Variants in SLC2A10 observed in about 807,000 individuals in gnomAD.
SLC2A10 encodes solute carrier family 2, facilitated glucose transporter member 10.
A neutral mutation model predicts 32.1 loss-of-function variants in SLC2A10; 25 were observed. The observed-to-expected ratio is 0.78, with a 90% CI of 0.57 to 1.09. The LOEUF is 1.09. SLC2A10 is among the 50% of genes least tolerant of loss of function. SLC2A10 has a pLI of 0.00. For missense variants in SLC2A10, 673 were observed against 686.5 expected (o/e 0.98, Z 0.22); for synonymous variants, 332 against 309.6 (o/e 1.07, Z -0.76).
chr20:46,727,067 A>C, intron 3 of SLC2A10, 81 bp downstream of exon 3: 1 of 1,520,076 alleles, frequency 6.6e-7, no homozygotes, highest in South Asian at 1.1e-5. Context: ...GGATTTTCCT[A>C]TGTATTAGCT....
upstream of SLC2A10, chr20:46,709,630 G>C: frequency 7.1e-7 from 1 of 1,401,856 alleles, no homozygotes; most frequent in Non-Finnish European, 9.6e-7. Flanking sequence ...GACAGAGGCG[G>C]GGGCGGGCCG....
upstream of SLC2A10, among the ~76,000 whole-genome samples, chr20:46,708,790 T>G (rs1448251315): frequency 6.6e-6 from 1 of 152,102 alleles, no homozygotes; most frequent in African/African-American, 2.4e-5. Context: ...CTCCCTCCTC[T>G]CTCCCTGTCT....
At chr20:46,730,812 G>A (rs925208507) in intron 4 of SLC2A10, among the ~76,000 whole-genome samples, 1 of 152,214 alleles carries the variant, frequency 6.6e-6, no homozygotes, top group African/African-American at 2.4e-5. Context: ...ACAGTCCTAA[G>A]CATCCTTGGC....
chr20:46,713,287 G>GA (rs917447730), intron 1 of SLC2A10, among the ~76,000 whole-genome samples: 3 of 152,058 alleles, frequency 2.0e-5, no homozygotes, highest in African/African-American at 7.2e-5. Flanking sequence ...GTGCCACGCA[G>GA]AAAAAACAAG....
chr20:46,732,299 A>G (rs1254643641), intron 4 of SLC2A10, among the ~76,000 whole-genome samples: 1 of 152,142 alleles, frequency 6.6e-6, no homozygotes, highest in African/African-American at 2.4e-5. Context: ...TATAACAAAA[A>G]AAATTCAAAA....
intron 1 of SLC2A10, among the ~76,000 whole-genome samples, chr20:46,713,284 G>T (rs1366517869): frequency 6.6e-6 from 1 of 152,032 alleles, no homozygotes; most frequent in Non-Finnish European, 1.5e-5. Flanking sequence ...GAAGTGCCAC[G>T]CAGAAAAAAC....
chr20:46,728,295 G>A (rs1401832645), intron 3 of SLC2A10, among the ~76,000 whole-genome samples: 1 of 152,190 alleles, frequency 6.6e-6, no homozygotes, highest in Non-Finnish European at 1.5e-5. Flanking sequence ...GCTGCCTAAA[G>A]GAGGTATGGA....
Position 46,729,727 on chromosome 20 carries a change from C to T in SLC2A10, c.1547+239C>T, listed in dbSNP as rs573222109. 7.3e-5 allele frequency among the ~76,000 whole-genome samples: 11 copies of T among 149,660 alleles called. No homozygotes were observed. In the South Asian group the frequency reaches 2.3e-3, roughly 32 times the overall value. ...CGCCATCTCGGCTCACTGCAAGCTC[C>T]GCCTCCCGGGTTCACGCCATTCTCC... On this transcript the variant is annotated intron_variant, in intron 4 of 4. Transcript: ENST00000359271.
chr20:46,728,397 G>A (rs73295915), intron 3 of SLC2A10, among the ~76,000 whole-genome samples: 2 of 152,010 alleles, frequency 1.3e-5, no homozygotes, highest in African/African-American at 4.8e-5. Context: ...CTCTGTCTTG[G>A]GATGAATGAC....
At chr20:46,729,281 C>A in intron 3 of SLC2A10, 72 bp from the exon 4 acceptor site, 1 of 1,598,628 alleles carries the variant, frequency 6.3e-7, no homozygotes, top group Non-Finnish European at 8.6e-7. Flanking sequence ...GACCTAGAAC[C>A]TACCAGTTGG....
rs540023880 is a variant in SLC2A10 at position 46,725,540 on chromosome 20, C to A, written c.504C>A (p.Phe168Leu). 60 of 1,614,172 alleles carry A rather than the reference C, an allele frequency of 3.7e-5. 2 individuals carry two copies. In the South Asian group the frequency reaches 6.0e-4, roughly 16 times the overall value. Reference sequence around the variant, plus strand: ...CCCCCTGGGGATGGAGGCACATGTTCGGCTGGGCCACTGCACCTGCTGTCC... The same window carrying A: ...CCCCCTGGGGATGGAGGCACATGTTAGGCTGGGCCACTGCACCTGCTGTCC... ...AGTPWGWRHM[F>L]GWATAPAVLQ... Residue 168 changes from phenylalanine to leucine, a missense_variant, in exon 2 of 5, where the codon TTC becomes TTA. Coordinates refer to ENST00000359271, the MANE Select transcript of SLC2A10 (RefSeq NM_030777.4).
At chr20:46,718,155 A>G (rs1157699599) in intron 1 of SLC2A10, among the ~76,000 whole-genome samples, 1 of 152,088 alleles carries the variant, frequency 6.6e-6, no homozygotes, top group African/African-American at 2.4e-5. Flanking sequence ...CCCGGGAGGC[A>G]GAGGCAGTGA....
intron 1 of SLC2A10, 148 bp downstream of exon 1, chr20:46,709,888 AC>A (rs1978807725): frequency 1.2e-6 from 1 of 852,994 alleles, no homozygotes; most frequent in Admixed American, 2.5e-5. Context: ...CCAGCCCGAG[AC>A]TGCAGGCCTG....
In SLC2A10 at chr20:46,725,858, G is replaced by C. The variant is rs1486903748; in HGVS notation, c.822G>C (p.Val274=). ...GATCCTCAGCCGTGCTGGCCTCTGT[G>C]GGGCTTGGCGCAGTGAAGGTGGCAG... The part of the protein sequence containing the change: ...HGGSSAVLAS[V]GLGAVKVAAT... The change falls in exon 2 of 5, where the codon GTG becomes GTC. Residue 274 remains valine (V), a synonymous_variant. Transcript: ENST00000359271. 6.2e-7 allele frequency: 1 copy of C among 1,614,234 alleles called. No individual in the cohort carries two copies. The highest frequency in any genetic ancestry group is 1.7e-5 in the Admixed American group (1 of 60,032).
intron 1 of SLC2A10, among the ~76,000 whole-genome samples, chr20:46,718,289 T>C (rs1979367654): frequency 1.3e-5 from 2 of 152,204 alleles, no homozygotes; most frequent in African/African-American, 4.8e-5. Flanking sequence ...GCCTTCATTA[T>C]TCCCTGTGTT....
rs980042031 is a variant in SLC2A10 at position 46,735,522 on chromosome 20, C to T, written c.*1688C>T. 1 of 152,184 alleles carries T rather than the reference C, an allele frequency of 6.6e-6. No homozygotes were observed. The highest frequency in any genetic ancestry group is 2.4e-5 in the African/African-American group (1 of 41,450). 9.4% of individuals were successfully genotyped at this position (152,184 alleles called of 1,614,324 possible). On this transcript the variant is annotated 3_prime_UTR_variant, in exon 5 of 5. Transcript: ENST00000359271. ...GTTACTATTATCTGTGCTTTTGAGGCTATTTCTACATAGTAACTCTTATGG... is the reference window on the plus strand; with the variant it reads ...GTTACTATTATCTGTGCTTTTGAGGTTATTTCTACATAGTAACTCTTATGG...
chr20:46,735,719 G>C lies in SLC2A10; in HGVS notation c.*1885G>C, dbSNP rs982601986. 1.3e-5 allele frequency: 2 copies of C among 152,230 alleles called. No individual in the cohort carries two copies. Among genetic ancestry groups the C allele is most frequent in the African/African-American group, 4.8e-5 (2 of 41,454 alleles). 9.4% of individuals were successfully genotyped at this position (152,230 alleles called of 1,614,324 possible). On this transcript the variant is annotated 3_prime_UTR_variant, in exon 5 of 5. Transcript: ENST00000359271. ...GTTGATTTTCTAGACTTCAGAACAT[G>C]CTGGATAAAATGTCAGTAATGCAAA...
At chr20:46,711,114 G>A (rs1035051116) in intron 1 of SLC2A10, among the ~76,000 whole-genome samples, 1 of 152,134 alleles carries the variant, frequency 6.6e-6, no homozygotes, top group African/African-American at 2.4e-5. Flanking sequence ...TCGTGATCCG[G>A]CTGCCTCGGC....
chr20:46,724,017 G>A (rs1013769502), intron 1 of SLC2A10, among the ~76,000 whole-genome samples: 4 of 152,092 alleles, frequency 2.6e-5, no homozygotes, highest in Non-Finnish European at 2.9e-5. Flanking sequence ...CTACCTCAGG[G>A]CCTCTGTACT....
Sources: gnomAD v4.1 joint callset for allele counts (sites outside exome capture counted in the v4.1 genomes callset) on GRCh38, gnomAD v4.1.1 for gene constraint, MANE v1.5 for transcripts, NCBI Gene and HGNC (gene_info 2026-07-23, HGNC 2026-07-21) for gene names.